KIAA1328: variants seen among roughly 807,000 people sequenced by gnomAD.
KIAA1328 encodes the protein protein hinderin.
In KIAA1328, 52 loss-of-function variants were observed where a neutral mutation model predicts 68.1. The ratio of observed to expected loss-of-function variants is 0.76; its 90% CI spans 0.61 to 0.96. The LOEUF (loss-of-function observed/expected upper bound fraction) is 0.96, where lower values mean the gene tolerates loss of function less well. Among genes scored for constraint, KIAA1328 ranks in the 40% least tolerant of loss-of-function variants. The pLI, the probability that KIAA1328 is intolerant of heterozygous loss-of-function variation, is 0.00. For missense variants in KIAA1328, 641 were observed against 677.6 expected (o/e 0.95, Z 0.60); for synonymous variants, 232 against 239.4 (o/e 0.97, Z 0.28).
intron 6 of KIAA1328, among the ~76,000 whole-genome samples, chr18:36,991,130 G>T (rs1187104735): frequency 1.3e-5 from 2 of 152,032 alleles, no homozygotes; most frequent in Non-Finnish European, 2.9e-5. Context: ...AAAGGTTAAG[G>T]AAAATATCCA....
At chr18:36,888,170 C>A (rs1274893588) in intron 5 of KIAA1328, among the ~76,000 whole-genome samples, 1 of 152,024 alleles carries the variant, frequency 6.6e-6, no homozygotes, top group Non-Finnish European at 1.5e-5. Context: ...TGATTTAACT[C>A]GGGGGGAGAA....
chr18:37,082,125 T>TTA (rs962329046), intron 7 of KIAA1328, among the ~76,000 whole-genome samples: 13 of 151,752 alleles, frequency 8.6e-5, no homozygotes, highest in Admixed American at 2.6e-4. Context: ...CTTTTAACTT[T>TTA]TATATATCTT....
At chr18:37,027,886 A>G (rs1317072339) in intron 6 of KIAA1328, among the ~76,000 whole-genome samples, 2 of 152,208 alleles carry the variant, frequency 1.3e-5, no homozygotes, top group Non-Finnish European at 1.5e-5. Flanking sequence ...ATTAAACTAA[A>G]GAGCTTCTGC....
chr18:36,920,202 A>G (rs1331280391), intron 5 of KIAA1328, among the ~76,000 whole-genome samples: 2 of 152,148 alleles, frequency 1.3e-5, no homozygotes, highest in South Asian at 2.1e-4. Flanking sequence ...ATAAGTCTTT[A>G]ATCCATCTTG....
In KIAA1328 at chr18:36,962,832, A is replaced by G. The variant is rs143781670; in HGVS notation, c.576+3397A>G. ...ACATTTAAAGCACTGTGTAGAGGGA[A>G]ATTTATAGCACTAATTGCCTACAAG... On this transcript the variant is annotated intron_variant, in intron 6 of 9. Transcript: ENST00000280020. Among the ~76,000 whole-genome samples the G allele has an allele frequency of 7.8e-3, 1,184 of 152,286 alleles. 14 individuals carry two copies. Among genetic ancestry groups the G allele is most frequent in the African/African-American group, 0.027 (1,124 of 41,562 alleles).
intron 5 of KIAA1328, among the ~76,000 whole-genome samples, chr18:36,892,669 G>T (rs1467065596): frequency 6.6e-6 from 1 of 152,040 alleles, no homozygotes; most frequent in African/African-American, 2.4e-5. Context: ...TTTACTCTAT[G>T]TTGCTGTACA....
chr18:37,181,071 G>A (rs1475971917), intron 9 of KIAA1328, among the ~76,000 whole-genome samples: 1 of 152,052 alleles, frequency 6.6e-6, no homozygotes, highest in East Asian at 1.9e-4. Context: ...TAAAGTATGA[G>A]CTGTAAGGCT....
intron 9 of KIAA1328, among the ~76,000 whole-genome samples, chr18:37,180,659 C>CA (rs2059682600): frequency 1.3e-5 from 2 of 150,646 alleles, no homozygotes; most frequent in African/African-American, 4.9e-5. Flanking sequence ...ATGAGACTAT[C>CA]TTCTCACATA....
At chr18:37,135,671 G>T (rs1306810668) in intron 7 of KIAA1328, among the ~76,000 whole-genome samples, 2 of 152,114 alleles carry the variant, frequency 1.3e-5, no homozygotes, top group African/African-American at 2.4e-5. Context: ...CCTTTGCTGT[G>T]CAGGAGCTCT....
At chr18:37,101,413 A>G (rs1446216498) in intron 7 of KIAA1328, among the ~76,000 whole-genome samples, 1 of 152,232 alleles carries the variant, frequency 6.6e-6, no homozygotes, top group African/African-American at 2.4e-5. Context: ...AAGAAAGGGT[A>G]TCAGTGATGG....
At chr18:37,142,204 T>C (rs1353961441) in intron 7 of KIAA1328, among the ~76,000 whole-genome samples, 1 of 146,246 alleles carries the variant, frequency 6.8e-6, no homozygotes, top group African/African-American at 2.7e-5. Flanking sequence ...TGTTTTTGTT[T>C]TTTTGGGGAT....
chr18:36,989,768 C>T (rs915541481), intron 6 of KIAA1328, among the ~76,000 whole-genome samples: 1 of 152,068 alleles, frequency 6.6e-6, no homozygotes, highest in Non-Finnish European at 1.5e-5. Context: ...GATCTCGGCT[C>T]ACTTCAAGCT....
chr18:36,871,437 G>A (rs775477026), intron 4 of KIAA1328, among the ~76,000 whole-genome samples: 15 of 152,032 alleles, frequency 9.9e-5, no homozygotes, highest in Non-Finnish European at 1.8e-4. Context: ...ACCTGATTAA[G>A]GGGGTGTCTG....
chr18:36,971,647 A>T (rs551886440), intron 6 of KIAA1328, among the ~76,000 whole-genome samples: 58 of 152,310 alleles, frequency 3.8e-4, no homozygotes, highest in Admixed American at 9.1e-4. Context: ...AAATAAATTT[A>T]AAAAATGTGG....
intron 7 of KIAA1328, among the ~76,000 whole-genome samples, chr18:37,069,549 C>T (rs2056458821): frequency 1.3e-5 from 2 of 152,210 alleles, no homozygotes; most frequent in South Asian, 2.1e-4. Context: ...GGGAGATGTT[C>T]GCTCTGCTTC....
At chr18:36,885,843 A>G (rs1303667442) in intron 5 of KIAA1328, 171 bp downstream of exon 5, 1 of 528,600 alleles carries the variant, frequency 1.9e-6, no homozygotes, top group Non-Finnish European at 3.4e-6. Context: ...CAGCCTCCCG[A>G]GTAGCTGGGA....
In KIAA1328 at chr18:37,086,949, C is replaced by G. The variant is rs149643938; in HGVS notation, c.1232+19404C>G. Among the ~76,000 whole-genome samples the G allele has an allele frequency of 1.8e-3, 278 of 152,212 alleles. 1 individual carries two copies. The highest frequency in any genetic ancestry group is 6.4e-3 in the African/African-American group (266 of 41,532). ...ACTTTCTTCAATTTGGAGAAATTTC[C>G]TTTGCTAATGTATTGTCTCTTTTGA... On this transcript the variant is annotated intron_variant, in intron 7 of 9. Transcript: ENST00000280020.
chr18:37,145,297 C>A (rs1280385778), intron 7 of KIAA1328, among the ~76,000 whole-genome samples: 1 of 151,854 alleles, frequency 6.6e-6, no homozygotes, highest in African/African-American at 2.4e-5. Flanking sequence ...AGTTTAACTC[C>A]AGTGTGGTCA....
intron 7 of KIAA1328, among the ~76,000 whole-genome samples, chr18:37,154,672 G>C (rs571497529): frequency 3.9e-5 from 6 of 152,172 alleles, no homozygotes; most frequent in African/African-American, 1.4e-4. Flanking sequence ...GACACCCAGA[G>C]CTTGCTATCA....
Sources: allele counts gnomAD v4.1 joint callset (sites outside exome capture counted in the v4.1 genomes callset), GRCh38; gene constraint gnomAD v4.1.1; transcripts MANE v1.5; gene names NCBI Gene and HGNC (gene_info 2026-07-23, HGNC 2026-07-21).